Variants in CEP295 observed in about 807,000 individuals in gnomAD.
The protein encoded by CEP295 is centrosomal protein 295, also known as centrosomal protein of 295 kDa.
A neutral mutation model predicts 291.6 loss-of-function variants in CEP295; 190 were observed. The ratio of observed to expected loss-of-function variants is 0.65; its 90% CI spans 0.58 to 0.73. The LOEUF (loss-of-function observed/expected upper bound fraction) is 0.73, where lower values mean the gene tolerates loss of function less well. CEP295 is among the 30% of genes least tolerant of loss of function. The pLI is 0.00. For synonymous variants in CEP295, 993 were observed against 1,038.8 expected (o/e 0.96, Z 0.85); for missense variants, 2,863 against 2,949.4 (o/e 0.97, Z 0.68).
intron 21 of CEP295, chr11:93,724,038 T>A (rs1206779417): frequency 3.0e-6 from 1 of 335,190 alleles, no homozygotes; most frequent in Non-Finnish European, 5.3e-6. Flanking sequence ...ACTGAGAGGA[T>A]CCATATTTTG....
chr11:93,691,228 A>G (rs1274301636), intron 10 of CEP295, among the ~76,000 whole-genome samples: 1 of 152,250 alleles, frequency 6.6e-6, no homozygotes, highest in Admixed American at 6.5e-5. Context: ...GAATGAACGG[A>G]TAGCTCCATG....
intron 4 of CEP295, among the ~76,000 whole-genome samples, chr11:93,669,382 A>G (rs567348508): frequency 6.6e-6 from 1 of 150,904 alleles, no homozygotes; most frequent in South Asian, 2.1e-4. Flanking sequence ...CCCTGTTACT[A>G]GTTAGCAACA....
At chr11:93,701,191 C>G (rs1952135855) in intron 15 of CEP295, among the ~76,000 whole-genome samples, 1 of 151,950 alleles carries the variant, frequency 6.6e-6, no homozygotes, top group South Asian at 2.1e-4. Context: ...ATGGCAAAAC[C>G]CTGTCTCTAC....
At chr11:93,725,275 T>C (rs1273554590) in intron 22 of CEP295, among the ~76,000 whole-genome samples, 1 of 151,936 alleles carries the variant, frequency 6.6e-6, no homozygotes, top group African/African-American at 2.4e-5. Context: ...ACAGCTACAT[T>C]AGAATTTTGT....
chr11:93,712,260 T>TA (rs1166787465), intron 18 of CEP295, among the ~76,000 whole-genome samples: 3 of 152,230 alleles, frequency 2.0e-5, no homozygotes, highest in African/African-American at 4.8e-5. Context: ...TTTATTTATT[T>TA]TTTTAAGACA....
chr11:93,706,686 T>C (rs1952529382), intron 17 of CEP295, 59 bp from the exon 18 acceptor site: 1 of 1,409,632 alleles, frequency 7.1e-7, no homozygotes, highest in East Asian at 2.5e-5. Context: ...AAATTGGCAC[T>C]TTAGTTCTAG....
At chr11:93,719,293 T>C (rs1279278173) in intron 18 of CEP295, among the ~76,000 whole-genome samples, 10 of 150,516 alleles carry the variant, frequency 6.6e-5, no homozygotes, top group Non-Finnish European at 1.5e-4. Flanking sequence ...CAAGGCACAG[T>C]TGTTCACACT....
At chr11:93,667,868 T>C (rs1242629446) in intron 3 of CEP295, 61 bp downstream of exon 3, 1 of 1,145,906 alleles carries the variant, frequency 8.7e-7, no homozygotes, top group Non-Finnish European at 1.2e-6. Context: ...AAGTAAATTA[T>C]AGTTGTTGAA....
At position 93,699,399 on chromosome 11, in the gene CEP295, A is replaced by ATT; in HGVS notation, c.4490_4491dup (p.Ile1498LeufsTer16). 6.4e-7 allele frequency: 1 copy of ATT among 1,551,812 alleles called. No individual in the cohort carries two copies. The highest frequency in any genetic ancestry group is 8.7e-7 in the Non-Finnish European group (1 of 1,147,014). ...TTTGAGGAAAAGGTATCTTCTGAGC[A>ATT]TTTTATCCAGTCTCACCATGGTGAT... is the stretch of plus-strand genomic sequence containing the variant. On this transcript the variant is annotated frameshift_variant, in exon 15 of 30. Transcript: ENST00000325212. LOFTEE classifies it high-confidence loss of function.
chr11:93,700,362 G>A (rs1952074481), intron 15 of CEP295, among the ~76,000 whole-genome samples, 176 bp downstream of exon 15: 1 of 151,488 alleles, frequency 6.6e-6, no homozygotes, highest in African/African-American at 2.4e-5. Context: ...CACCCACATG[G>A]TGTTTATGAG....
In CEP295 at chr11:93,699,677, C is replaced by T. The variant is rs760849733; in HGVS notation, c.4765C>T (p.Leu1589Phe). The T allele has an allele frequency of 2.6e-6, 4 of 1,551,398 alleles. No homozygotes were observed. The highest frequency in any genetic ancestry group is 2.4e-5 in the South Asian group (2 of 84,064). The part of the protein sequence containing the change: ...HREIPRLQDR[L>F]LSLSKPILPQ... The stretch of plus-strand genomic sequence containing the variant: ...TGAGATTCCAAGATTACAGGATAGA[C>T]TTTTGAGTTTATCAAAGCCTATTCT... The change falls in exon 15 of 30, where the codon CTT becomes TTT. Residue 1589 changes from leucine to phenylalanine, a missense_variant. Coordinates refer to ENST00000325212, the MANE Select transcript of CEP295 (RefSeq NM_033395.2).
At chr11:93,724,624 A>G (rs1469931303) in intron 22 of CEP295, among the ~76,000 whole-genome samples, 1 of 151,812 alleles carries the variant, frequency 6.6e-6, no homozygotes, top group Admixed American at 6.6e-5. Context: ...AAAATTAGCC[A>G]GGTGTCGTGG....
In CEP295 at chr11:93,698,845, C is replaced by T; in HGVS notation, c.3933C>T (p.Ile1311=). Residue 1311 remains isoleucine (I), a synonymous_variant, in exon 15 of 30, where the codon ATC becomes ATT. Transcript: ENST00000325212. ...TAGCTTCAGCTGAGTCTGGCACAAT[C>T]CTGGAACCTCTTTTTACAGAGAGTG... is the stretch of plus-strand genomic sequence containing the variant. ...TSLASAESGT[I]LEPLFTESES... 1 of 1,551,744 alleles carries T rather than the reference C, an allele frequency of 6.4e-7. No individual in the cohort carries two copies. The highest frequency in any genetic ancestry group is 1.2e-5 in the South Asian group (1 of 84,066).
chr11:93,714,842 C>CCTCTCT (rs57191649), intron 18 of CEP295, among the ~76,000 whole-genome samples: 1 of 149,178 alleles, frequency 6.7e-6, no homozygotes, highest in East Asian at 2.0e-4. Flanking sequence ...AGTCAGTCAG[C>CCTCTCT]CTCTCTCTCT....
At chr11:93,684,439 A>G (rs961865331) in intron 9 of CEP295, among the ~76,000 whole-genome samples, 6 of 152,176 alleles carry the variant, frequency 3.9e-5, no homozygotes, top group African/African-American at 1.2e-4. Flanking sequence ...TAACTTAAGC[A>G]TACCCTGAGA....
At chr11:93,664,270 C>T (rs1473220894) in intron 1 of CEP295, among the ~76,000 whole-genome samples, 1 of 152,136 alleles carries the variant, frequency 6.6e-6, no homozygotes, top group Non-Finnish European at 1.5e-5. Context: ...CAAAAAACAA[C>T]AGCTTAAATA....
In CEP295 at chr11:93,727,221, G is replaced by C. The variant is rs1954215596; in HGVS notation, c.6745G>C (p.Asp2249His). 6.4e-7 allele frequency: 1 copy of C among 1,551,598 alleles called. No homozygotes were observed. Among genetic ancestry groups the C allele is most frequent in the East Asian group, 2.4e-5 (1 of 40,906 alleles). Residue 2249 changes from aspartate (D) to histidine (H), a missense_variant, in exon 24 of 30, where the codon GAT (aspartate) becomes CAT (histidine). Transcript: ENST00000325212. ...TTCATCTGATGAAGCTAATGTATTT[G>C]ATCAGTTAAATGTACAGCATAGCAC... ...YSSSDEANVFDQLNVQHSTPC... is the reference protein window; with the variant it reads ...YSSSDEANVFHQLNVQHSTPC...
chr11:93,691,291 C>G (rs1041458160), intron 10 of CEP295, among the ~76,000 whole-genome samples: 1 of 152,200 alleles, frequency 6.6e-6, no homozygotes, highest in African/African-American at 2.4e-5. Flanking sequence ...TAACTTCCTT[C>G]TCTGCTCTGG....
At chr11:93,729,328 G>A in intron 25 of CEP295, 106 bp from the exon 26 acceptor site, 1 of 744,022 alleles carries the variant, frequency 1.3e-6, no homozygotes, top group Non-Finnish European at 2.3e-6. Flanking sequence ...CTAAGATTGA[G>A]GCTGCAGTGA....
Sources: gnomAD v4.1 joint callset for allele counts (sites outside exome capture counted in the v4.1 genomes callset) on GRCh38, gnomAD v4.1.1 for gene constraint, MANE v1.5 for transcripts, NCBI Gene and HGNC (gene_info 2026-07-23, HGNC 2026-07-21) for gene names.